Variants in EMG1 observed in about 807,000 individuals in gnomAD.
The protein encoded by EMG1 is ribosomal RNA small subunit methyltransferase NEP1.
A neutral mutation model predicts 26.9 loss-of-function variants in EMG1; 24 were observed. The observed-to-expected ratio is 0.89, with a 90% confidence interval of 0.65 to 1.26. The LOEUF (loss-of-function observed/expected upper bound fraction) is 1.26, where lower values mean the gene tolerates loss of function less well. EMG1 is among the 50% of genes most tolerant of loss of function. The pLI is 0.00. For synonymous variants in EMG1, 140 were observed against 112.6 expected, an observed-to-expected ratio of 1.24 and a Z score of -1.54; for missense variants, 299 against 307.6, an observed-to-expected ratio of 0.97 and a Z score of 0.21.
chr12:6,973,586 C>T (rs1264299361), intron 1 of EMG1, among the ~76,000 whole-genome samples: 4 of 152,072 alleles, frequency 2.6e-5, no homozygotes, highest in East Asian at 3.9e-4. Context: ...GATGGAGTCT[C>T]GCTCTGTTGC....
intron 1 of EMG1, among the ~76,000 whole-genome samples, chr12:6,972,160 G>A (rs781967805): frequency 4.7e-5 from 7 of 150,084 alleles, no homozygotes; most frequent in Non-Finnish European, 8.9e-5. Flanking sequence ...TCCGCCTCCC[G>A]GGTTCAATCG....
Position 6,977,358 on chromosome 12 carries a change from T to A in EMG1, c.*1549T>A. 1 of 1,614,150 alleles carries A rather than the reference T, an allele frequency of 6.2e-7. No individual in the cohort carries two copies. Among genetic ancestry groups the A allele is most frequent in the Non-Finnish European group, 8.5e-7 (1 of 1,179,992 alleles). ...TCCCTCCCAGTCTCACAAGCAGGCC[T>A]TCACTTGCCTTAAGCCATTTGTCCC... On this transcript the variant is annotated 3_prime_UTR_variant, in exon 6 of 6. Coordinates refer to ENST00000599672, the MANE Select transcript of EMG1 (RefSeq NM_006331.8). The surrounding 1 kb of genome is among the most constrained non-coding windows in gnomAD (Gnocchi z 4.5).
At chr12:6,991,601 T>G (rs1946590991), downstream of EMG1, among the ~76,000 whole-genome samples, 1 of 152,202 alleles carries the variant, frequency 6.6e-6, no homozygotes, top group South Asian at 2.1e-4. Context: ...AAAATTCTAA[T>G]TTTTACTTGA....
In EMG1 at chr12:6,977,803, C is replaced by T; in HGVS notation, c.*1994C>T. 1.2e-6 allele frequency: 2 copies of T among 1,601,958 alleles called. No individual in the cohort carries two copies. The highest frequency in any genetic ancestry group is 8.5e-7 in the Non-Finnish European group (1 of 1,171,986). On this transcript the variant is annotated 3_prime_UTR_variant, in exon 6 of 6. Coordinates refer to ENST00000599672, the MANE Select transcript of EMG1 (RefSeq NM_006331.8). This position sits in a 1 kb window ranked among gnomAD's most constrained non-coding sequence, Gnocchi z 4.5. ...ACTGACTGGTCCTTGCATCCCGCCA[C>T]CTGCCTCTGGGTCCTCACCCTGAGG...
At chr12:6,975,015 G>A in intron 3 of EMG1, 75 bp from the exon 4 acceptor site, 1 of 1,438,306 alleles carries the variant, frequency 7.0e-7, no homozygotes, top group Non-Finnish European at 9.8e-7. Context: ...TATCCATGGG[G>A]TTTTCCTTGT....
intron 7 of EMG1, among the ~76,000 whole-genome samples, chr12:6,995,312 A>G (rs1168938119): frequency 1.3e-5 from 2 of 151,914 alleles, no homozygotes; most frequent in Admixed American, 6.6e-5. Flanking sequence ...CATCTCTACT[A>G]AAAATACAAA....
chr12:6,978,111 G>T lies in EMG1; in HGVS notation c.*2302G>T, dbSNP rs1946429656. The T allele has an allele frequency of 3.5e-6, 2 of 574,522 alleles. No homozygotes were observed. The highest frequency in any genetic ancestry group is 6.0e-5 in the East Asian group (2 of 33,496). The allele number at this position is 574,522 out of a possible 1,614,324, so 35.6% of individuals were successfully genotyped here. Reference sequence around the variant, plus strand: ...ACATAAGTCCATTGGCAGAGCTGGAGTAACACCCAGGTCTTAACGCACTTT... The same window carrying T: ...ACATAAGTCCATTGGCAGAGCTGGATTAACACCCAGGTCTTAACGCACTTT... On this transcript the variant is annotated 3_prime_UTR_variant, in exon 6 of 6. Coordinates refer to ENST00000599672, the MANE Select transcript of EMG1 (RefSeq NM_006331.8).
rs758636018 is a variant in EMG1 at position 6,976,435 on chromosome 12, C to T, written c.*626C>T. On this transcript the variant is annotated 3_prime_UTR_variant, in exon 6 of 6. Coordinates refer to ENST00000599672, the MANE Select transcript of EMG1 (RefSeq NM_006331.8). ...CCCTCTGCTCCTCCCACAAGAGTTT[C>T]CCCTTTGGGCCGGGCACGGTGGCTC... 5.7e-3 allele frequency: 879 copies of T among 153,526 alleles called. 6 individuals carry two copies. Among genetic ancestry groups the T allele is most frequent in the Middle Eastern group, 0.047 (14 of 296 alleles). 9.5% of individuals were successfully genotyped at this position (153,526 alleles called of 1,614,324 possible).
chr12:6,980,553 T>C (rs1244442123), downstream of EMG1, among the ~76,000 whole-genome samples: 1 of 151,016 alleles, frequency 6.6e-6, no homozygotes, highest in Non-Finnish European at 1.5e-5. Flanking sequence ...ACAGAGTCTC[T>C]CTATGTTGCC....
chr12:6,993,674 C>G (rs1439637589), intron 7 of EMG1, among the ~76,000 whole-genome samples: 1 of 152,158 alleles, frequency 6.6e-6, no homozygotes, highest in Non-Finnish European at 1.5e-5. Flanking sequence ...TTTCACTTAG[C>G]ATGTTTTCAA....
At chr12:6,984,627 C>A (rs1254127714), downstream of EMG1, among the ~76,000 whole-genome samples, 1 of 152,218 alleles carries the variant, frequency 6.6e-6, no homozygotes, top group Non-Finnish European at 1.5e-5. Context: ...TGCTCTGTCA[C>A]CCAGGCTGGA....
downstream of EMG1, chr12:6,981,542 T>C: frequency 6.3e-7 from 1 of 1,585,996 alleles, no homozygotes; most frequent in South Asian, 1.1e-5. Flanking sequence ...TAACAACTTT[T>C]TTCTTCCCTT....
At chr12:6,995,098 TC>T (rs1480319391) in intron 7 of EMG1, among the ~76,000 whole-genome samples, 7 of 149,364 alleles carry the variant, frequency 4.7e-5, no homozygotes, top group Non-Finnish European at 7.4e-5. Context: ...CATAAATTTC[TC>T]CCTAAATCAG....
chr12:6,974,732 G>C (rs1555152846), intron 3 of EMG1, 39 bp downstream of exon 3: 1 of 1,610,392 alleles, frequency 6.2e-7, no homozygotes, highest in East Asian at 2.2e-5. Context: ...GAACTTGTCA[G>C]TAGGGAAGAA....
downstream of EMG1, among the ~76,000 whole-genome samples, chr12:6,991,694 ACTGT>A (rs1946591453): frequency 6.6e-6 from 1 of 152,188 alleles, no homozygotes; most frequent in Non-Finnish European, 1.5e-5. Flanking sequence ...GTTTCAAGAG[ACTGT>A]CTGCCAGATG....
chr12:6,985,155 G>A (rs1315820397), intron 6 of EMG1, among the ~76,000 whole-genome samples: 1 of 150,226 alleles, frequency 6.7e-6, no homozygotes, highest in Non-Finnish European at 1.5e-5. Context: ...ACTATGGGAG[G>A]CTGAGACGGG....
chr12:6,975,653 T>A, intron 5 of EMG1, 43 bp from the exon 6 acceptor site: 1 of 1,317,836 alleles, frequency 7.6e-7, no homozygotes, highest in Non-Finnish European at 1.1e-6. Context: ...CTGAAACAGC[T>A]ACTGAGTGAC....
At chr12:6,981,302 G>C, downstream of EMG1, 5 of 816,482 alleles carry the variant, frequency 6.1e-6, no homozygotes, top group Non-Finnish European at 7.8e-6. Flanking sequence ...CCTTCTCTTT[G>C]GGGGATGACA....
rs1193113479 is a variant in EMG1, at chr12:6,976,145, G to A, written c.*336G>A. 3 of 219,328 alleles carry A rather than the reference G, an allele frequency of 1.4e-5. No homozygotes were observed. Among genetic ancestry groups the A allele is most frequent in the South Asian group, 1.0e-4 (1 of 9,624 alleles). 13.6% of individuals were successfully genotyped at this position (219,328 alleles called of 1,614,324 possible). A position where few individuals can be genotyped will look rare whatever the true frequency, so the allele number is the denominator to read the frequency against. The stretch of plus-strand genomic sequence containing the variant: ...GCTAAAGGAGAGAACCCTGATGATG[G>A]AGAAGAACTGTGAAAGAGAGCAGTC... On this transcript the variant is annotated 3_prime_UTR_variant, in exon 6 of 6. Coordinates refer to ENST00000599672, the MANE Select transcript of EMG1 (RefSeq NM_006331.8).
Sources: allele counts gnomAD v4.1 joint callset (sites outside exome capture counted in the v4.1 genomes callset), GRCh38; gene constraint gnomAD v4.1.1; non-coding constraint Gnocchi (gnomAD v3.1); transcripts MANE v1.5; gene names NCBI Gene and HGNC (gene_info 2026-07-23, HGNC 2026-07-21).